The following KCTD16 variants were observed in gnomAD, a reference collection of about 807,000 sequenced individuals.
The protein encoded by KCTD16 is BTB/POZ domain-containing protein KCTD16.
In KCTD16, 13 loss-of-function variants were observed where a neutral mutation model predicts 33.2. That is an observed-to-expected ratio of 0.39 (90% CI 0.25 to 0.62). KCTD16 has a LOEUF of 0.62. KCTD16 is among the 20% of genes least tolerant of loss of function. KCTD16 has a pLI of 0.50. For missense variants in KCTD16, 441 were observed against 525.1 expected, an observed-to-expected ratio of 0.84 and a Z score of 1.57; for synonymous variants, 197 against 195.3, an observed-to-expected ratio of 1.01 and a Z score of -0.07.
At chr5:144,298,551 C>G (rs748301869) in intron 3 of KCTD16, among the ~76,000 whole-genome samples, 2 of 152,040 alleles carry the variant, frequency 1.3e-5, no homozygotes, top group African/African-American at 4.8e-5. Flanking sequence ...GTAAGTGAAG[C>G]GCTTAGTACT....
intron 2 of KCTD16, among the ~76,000 whole-genome samples, chr5:144,197,412 G>A (rs1013851279): frequency 2.0e-5 from 3 of 152,124 alleles, no homozygotes; most frequent in Non-Finnish European, 4.4e-5. Context: ...AATTAGATAT[G>A]CTACACTCTT....
chr5:144,363,731 A>T (rs1469891590), intron 3 of KCTD16, among the ~76,000 whole-genome samples: 1 of 152,062 alleles, frequency 6.6e-6, no homozygotes, highest in Non-Finnish European at 1.5e-5. Context: ...CTCATCTCAC[A>T]TGTGTATGTC....
Position 144,344,855 on chromosome 5 carries a change from G to A in KCTD16, c.833-128805G>A, listed in dbSNP as rs1020266263. On this transcript the variant is annotated intron_variant, in intron 3 of 3. Transcript: ENST00000512467. Reference sequence around the variant, plus strand: ...TTTGACCCAGCCATCCCATTTCTGGGTATATACCCAAAGGACTATAAATCA... The same window carrying A: ...TTTGACCCAGCCATCCCATTTCTGGATATATACCCAAAGGACTATAAATCA... Among the ~76,000 whole-genome samples, 359 of 151,282 alleles carry A rather than the reference G, an allele frequency of 2.4e-3. 2 individuals are homozygous for A. The highest frequency in any genetic ancestry group is 8.4e-3 in the African/African-American group (346 of 41,284).
At chr5:144,179,518 C>T (rs889106120) in intron 2 of KCTD16, among the ~76,000 whole-genome samples, 9 of 152,298 alleles carry the variant, frequency 5.9e-5, no homozygotes, top group Middle Eastern at 3.4e-3. Flanking sequence ...TGCTGCCAGT[C>T]TCATCTGTCC....
chr5:144,379,547 G>A (rs953991283), intron 3 of KCTD16, among the ~76,000 whole-genome samples: 1 of 152,134 alleles, frequency 6.6e-6, no homozygotes, highest in African/African-American at 2.4e-5. Flanking sequence ...TCATTTGGGA[G>A]CTTGGGGGCA....
chr5:144,405,951 A>G (rs1752801544), intron 3 of KCTD16, among the ~76,000 whole-genome samples: 1 of 152,218 alleles, frequency 6.6e-6, no homozygotes, highest in Non-Finnish European at 1.5e-5. Context: ...AATGGAGTGG[A>G]TGAAAAACAA....
chr5:144,394,930 G>A (rs1478002232), intron 3 of KCTD16, among the ~76,000 whole-genome samples: 1 of 152,180 alleles, frequency 6.6e-6, no homozygotes, highest in Non-Finnish European at 1.5e-5. Flanking sequence ...ACACTAGAAG[G>A]TCCTATTCTT....
At chr5:144,402,316 C>G (rs1752719348) in intron 3 of KCTD16, among the ~76,000 whole-genome samples, 1 of 152,178 alleles carries the variant, frequency 6.6e-6, no homozygotes, top group Non-Finnish European at 1.5e-5. Flanking sequence ...TTCCCCACCT[C>G]TCCTTAGGTG....
intron 3 of KCTD16, among the ~76,000 whole-genome samples, chr5:144,378,504 A>G (rs1752142139): frequency 6.6e-6 from 1 of 152,204 alleles, no homozygotes; most frequent in Non-Finnish European, 1.5e-5. Context: ...CATTTCTATA[A>G]TAAAATTCTG....
chr5:144,457,360 G>T (rs1325559899), intron 3 of KCTD16, among the ~76,000 whole-genome samples: 1 of 152,224 alleles, frequency 6.6e-6, no homozygotes, highest in African/African-American at 2.4e-5. Context: ...GGTCAGAAGG[G>T]TGGTGGCCTC....
At chr5:144,434,780 T>C (rs530947972) in intron 3 of KCTD16, among the ~76,000 whole-genome samples, 4 of 152,306 alleles carry the variant, frequency 2.6e-5, no homozygotes, top group African/African-American at 9.6e-5. Context: ...GAATAGGTCA[T>C]GTGAAACACT....
chr5:144,176,435 G>A (rs6894198), intron 2 of KCTD16, among the ~76,000 whole-genome samples: 3 of 128,524 alleles, frequency 2.3e-5, no homozygotes, highest in Non-Finnish European at 1.6e-5. Context: ...TCGCTCTGTC[G>A]CCCAGGCCGG....
chr5:144,474,269 T>G lies in KCTD16; in HGVS notation c.*155T>G, dbSNP rs1754547121. ...TATACTACTGCCTACTTTACCTAGT[T>G]CACCTTAACATGTAAATCCACAGGG... On this transcript the variant is annotated 3_prime_UTR_variant, in exon 4 of 4. Coordinates refer to ENST00000512467, the MANE Select transcript of KCTD16 (RefSeq NM_020768.4). The G allele has an allele frequency of 3.3e-6, 2 of 613,622 alleles. No homozygotes were observed. 38.0% of individuals were successfully genotyped at this position (613,622 alleles called of 1,614,324 possible).
At chr5:144,181,844 A>G (rs973636406) in intron 2 of KCTD16, among the ~76,000 whole-genome samples, 1 of 152,176 alleles carries the variant, frequency 6.6e-6, no homozygotes, top group Admixed American at 6.5e-5. Context: ...CTGTAATCCT[A>G]GCACTTTGGG....
chr5:144,462,663 T>C (rs950081813), intron 3 of KCTD16, among the ~76,000 whole-genome samples: 2 of 151,654 alleles, frequency 1.3e-5, no homozygotes, highest in Non-Finnish European at 2.9e-5. Context: ...TCAGTGAAGA[T>C]AGAAGAATAT....
At chr5:144,314,473 T>G (rs1751852289) in intron 3 of KCTD16, among the ~76,000 whole-genome samples, 1 of 152,002 alleles carries the variant, frequency 6.6e-6, no homozygotes, top group Non-Finnish European at 1.5e-5. Flanking sequence ...TCTTCTCCAG[T>G]TTAGGAGAGG....
At chr5:144,384,534 A>G (rs1381916787) in intron 3 of KCTD16, among the ~76,000 whole-genome samples, 1 of 152,218 alleles carries the variant, frequency 6.6e-6, no homozygotes, top group East Asian at 1.9e-4. Flanking sequence ...ATAGCGAAAT[A>G]AAATTTTATT....
chr5:144,343,252 C>T (rs534695539), intron 3 of KCTD16, among the ~76,000 whole-genome samples: 67 of 152,234 alleles, frequency 4.4e-4, no homozygotes, highest in Non-Finnish European at 6.9e-4. Context: ...GCCACAATTT[C>T]AGAGCCTGTT....
In KCTD16 at chr5:144,256,431, G is replaced by A. The variant is rs182902415; in HGVS notation, c.832+48885G>A. Among the ~76,000 whole-genome samples the A allele has an allele frequency of 2.2e-3, 333 of 152,108 alleles. 2 individuals are homozygous for A. Among genetic ancestry groups the A allele is most frequent in the Middle Eastern group, 6.8e-3 (2 of 294 alleles). On this transcript the variant is annotated intron_variant, in intron 3 of 3. Transcript: ENST00000512467. Reference sequence around the variant, plus strand: ...CAAAGTCTGTTGCTAAGAGAAAGACGGTCAAAACACCGGTTTAGTGTGACT... The same window carrying A: ...CAAAGTCTGTTGCTAAGAGAAAGACAGTCAAAACACCGGTTTAGTGTGACT...
Sources: gnomAD v4.1 joint callset for allele counts (sites outside exome capture counted in the v4.1 genomes callset) on GRCh38, gnomAD v4.1.1 for gene constraint, MANE v1.5 for transcripts, NCBI Gene and HGNC (gene_info 2026-07-23, HGNC 2026-07-21) for gene names.